TEAD1: variants seen among roughly 807,000 people sequenced by gnomAD.
TEAD1 encodes transcriptional enhancer factor TEF-1.
Under a neutral mutation model 54.9 loss-of-function variants are expected in TEAD1, and 9 were observed. The ratio of observed to expected loss-of-function variants is 0.16; its 90% CI spans 0.10 to 0.29. The LOEUF is 0.29. Among genes scored for constraint, TEAD1 ranks in the 10% least tolerant of loss-of-function variants. The pLI is 1.00. For synonymous variants in TEAD1, 200 were observed against 187.8 expected (o/e 1.07, Z -0.53); for missense variants, 387 against 535.9 (o/e 0.72, Z 2.74).
Position 12,862,237 on chromosome 11 carries a change from T to A in TEAD1, c.203-13T>A. 1 of 1,613,134 alleles carries A rather than the reference T, an allele frequency of 6.2e-7. No individual in the cohort carries two copies. Among genetic ancestry groups the A allele is most frequent in the Non-Finnish European group, 8.5e-7 (1 of 1,179,190 alleles). ...TGGTAACCCACCTCATGGTAAATTC[T>A]TCTTTCTTTCAGGTAGGAATGAATT... On this transcript the variant is annotated splice_polypyrimidine_tract_variant and intron_variant, in intron 3 of 12. Transcript: ENST00000527636.
chr11:12,678,865 C>T (rs1182743374), intron 2 of TEAD1, among the ~76,000 whole-genome samples: 2 of 152,074 alleles, frequency 1.3e-5, no homozygotes, highest in East Asian at 1.9e-4. Flanking sequence ...AAATACATTC[C>T]AGTTTTGTAG....
rs538684404 is a variant in TEAD1, at chr11:12,728,378, T to C, written c.-54-35801T>C. Among the ~76,000 whole-genome samples the C allele has an allele frequency of 2.0e-5, 3 of 152,296 alleles. No homozygotes were observed. The East Asian group carries it at 5.8e-4, about 29-fold the overall frequency. On this transcript the variant is annotated intron_variant, in intron 2 of 12. Transcript: ENST00000527636. The stretch of plus-strand genomic sequence containing the variant: ...ACCTGTATATTAGTTACACTTTTCA[T>C]TGCTGGTTTATGTACTTCAAAGGTG...
At chr11:12,777,794 C>A (rs2133943984) in intron 3 of TEAD1, among the ~76,000 whole-genome samples, 2 of 152,242 alleles carry the variant, frequency 1.3e-5, no homozygotes, top group Admixed American at 1.3e-4. Context: ...GGATTGTAAA[C>A]CATGTGTATT....
intron 2 of TEAD1, among the ~76,000 whole-genome samples, chr11:12,719,957 T>G (rs936192065): frequency 9.7e-5 from 3 of 30,972 alleles, no homozygotes; most frequent in African/African-American, 2.4e-4. Flanking sequence ...ATGTTTTTTT[T>G]TTTTTTTTTT....
chr11:12,717,867 C>T (rs1312666810), intron 2 of TEAD1, among the ~76,000 whole-genome samples: 2 of 152,212 alleles, frequency 1.3e-5, no homozygotes, highest in Non-Finnish European at 2.9e-5. Flanking sequence ...GGGCAAATTA[C>T]TTCACCTTGC....
chr11:12,774,178 G>A (rs1217343381), intron 3 of TEAD1, among the ~76,000 whole-genome samples: 1 of 152,160 alleles, frequency 6.6e-6, no homozygotes, highest in Non-Finnish European at 1.5e-5. Flanking sequence ...CATGGGAGAG[G>A]CAGCACTGAG....
intron 2 of TEAD1, among the ~76,000 whole-genome samples, chr11:12,742,648 C>G (rs1183102423): frequency 1.3e-5 from 2 of 152,100 alleles, no homozygotes; most frequent in Non-Finnish European, 2.9e-5. Flanking sequence ...TTGGATCATT[C>G]CACAATATAT....
At chr11:12,932,324 G>T (rs1311867446) in intron 12 of TEAD1, among the ~76,000 whole-genome samples, 1 of 152,120 alleles carries the variant, frequency 6.6e-6, no homozygotes, top group Non-Finnish European at 1.5e-5. Flanking sequence ...GCAGTCAGAC[G>T]AGTAGAAGGT....
intron 7 of TEAD1, 95 bp from the exon 8 acceptor site, chr11:12,881,801 A>G: frequency 7.7e-7 from 1 of 1,292,348 alleles, no homozygotes; most frequent in Non-Finnish European, 1.1e-6. Context: ...ACAGCGGTGA[A>G]GGACCTCCCA....
At chr11:12,757,131 C>G (rs1944998587) in intron 2 of TEAD1, among the ~76,000 whole-genome samples, 1 of 152,188 alleles carries the variant, frequency 6.6e-6, no homozygotes, top group Admixed American at 6.5e-5. Context: ...ACTGACTTCT[C>G]TCTCCTCCTG....
chr11:12,710,736 A>G (rs1338566201), intron 2 of TEAD1, among the ~76,000 whole-genome samples: 1 of 152,188 alleles, frequency 6.6e-6, no homozygotes, highest in Admixed American at 6.5e-5. Flanking sequence ...AAGAGAGAGA[A>G]ATAGACATGT....
chr11:12,925,702 G>A (rs1375443948), intron 11 of TEAD1, among the ~76,000 whole-genome samples: 1 of 152,158 alleles, frequency 6.6e-6, no homozygotes, highest in Non-Finnish European at 1.5e-5. Flanking sequence ...GTGGGGTAGT[G>A]TGGTATGAAA....
At chr11:12,678,641 C>T (rs1943148871) in intron 2 of TEAD1, among the ~76,000 whole-genome samples, 1 of 152,148 alleles carries the variant, frequency 6.6e-6, no homozygotes, top group Non-Finnish European at 1.5e-5. Context: ...TACTTTGTAC[C>T]TCTGAAATCA....
intron 2 of TEAD1, among the ~76,000 whole-genome samples, chr11:12,742,071 C>G (rs1200836710): frequency 1.3e-5 from 2 of 152,214 alleles, no homozygotes; most frequent in African/African-American, 2.4e-5. Context: ...ATGCACCTTT[C>G]TTGACATCTT....
chr11:12,905,935 C>G (rs1948509985), intron 10 of TEAD1, among the ~76,000 whole-genome samples: 1 of 152,106 alleles, frequency 6.6e-6, no homozygotes, highest in Non-Finnish European at 1.5e-5. Context: ...CATTTAAGCC[C>G]CAGATGCAGG....
chr11:12,741,857 G>A (rs1043293816), intron 2 of TEAD1, among the ~76,000 whole-genome samples: 1 of 152,222 alleles, frequency 6.6e-6, no homozygotes, highest in African/African-American at 2.4e-5. Flanking sequence ...ACAGTGGCCA[G>A]AGTCTGGGCT....
intron 2 of TEAD1, among the ~76,000 whole-genome samples, chr11:12,727,361 G>T (rs886558652): frequency 7.2e-5 from 11 of 152,150 alleles, no homozygotes; most frequent in African/African-American, 2.7e-4. Flanking sequence ...GAGTGAGGGG[G>T]TTTTAGAATG....
At chr11:12,855,791 A>C (rs908057701) in intron 3 of TEAD1, among the ~76,000 whole-genome samples, 1 of 151,750 alleles carries the variant, frequency 6.6e-6, no homozygotes, top group Non-Finnish European at 1.5e-5. Flanking sequence ...CAAAAAAAAA[A>C]TTTAAGAATT....
At chr11:12,729,939 C>G (rs1421149027) in intron 2 of TEAD1, among the ~76,000 whole-genome samples, 3 of 152,220 alleles carry the variant, frequency 2.0e-5, no homozygotes, top group Non-Finnish European at 4.4e-5. Flanking sequence ...GCTGCAGATT[C>G]ACAGCGCAGC....
Sources: allele counts gnomAD v4.1 joint callset (sites outside exome capture counted in the v4.1 genomes callset), GRCh38; gene constraint gnomAD v4.1.1; transcripts MANE v1.5; gene names NCBI Gene and HGNC (gene_info 2026-07-23, HGNC 2026-07-21).